The following ANPEP variants were observed in gnomAD, a reference collection of about 807,000 sequenced individuals.
ANPEP encodes alanyl aminopeptidase, membrane.
A neutral mutation model predicts 114.6 loss-of-function variants in ANPEP; 70 were observed. The observed-to-expected ratio is 0.61, with a 90% confidence interval of 0.50 to 0.75. The LOEUF is 0.75. ANPEP is among the 30% of genes least tolerant of loss of function. ANPEP has a pLI of 0.00. For synonymous variants in ANPEP, 548 were observed against 522.3 expected (o/e 1.05, Z -0.67); for missense variants, 1,184 against 1,259.5 (o/e 0.94, Z 0.91).
intron 18 of ANPEP, 83 bp downstream of exon 18, chr15:89,792,077 G>A: frequency 2.0e-6 from 3 of 1,492,024 alleles, no homozygotes; most frequent in Non-Finnish European, 2.7e-6. Flanking sequence ...TCACGTGAAG[G>A]ATCTGGCGAG....
In ANPEP at chr15:89,806,772, CA is replaced by C. The variant is rs1894725037; in HGVS notation, c.-190del. On this transcript the variant is annotated 5_prime_UTR_variant, in exon 2 of 21. Coordinates refer to ENST00000300060, the MANE Select transcript of ANPEP (RefSeq NM_001150.3). The surrounding 1 kb of genome is among the most constrained non-coding windows in gnomAD (Gnocchi z 5.7). ...ACGCTCCGCCTGGGGAGAGGAGATCCAGGAACGGTGTGTGGAGCTGGGCTCG... is the reference window on the plus strand; with the variant it reads ...ACGCTCCGCCTGGGGAGAGGAGATCCGGAACGGTGTGTGGAGCTGGGCTCG... 1.1e-6 allele frequency: 1 copy of C among 924,942 alleles called. No individual in the cohort carries two copies. The highest frequency in any genetic ancestry group is 1.6e-6 in the Non-Finnish European group (1 of 642,774). 57.3% of individuals were successfully genotyped at this position (924,942 alleles called of 1,614,324 possible).
Position 89,801,417 on chromosome 15 carries a change from G to T in ANPEP, c.1742+18C>A, listed in dbSNP as rs1225646354. 1 of 1,613,410 alleles carries T rather than the reference G, an allele frequency of 6.2e-7. No homozygotes were observed. Among genetic ancestry groups the T allele is most frequent in the Non-Finnish European group, 8.5e-7 (1 of 1,179,660 alleles). On this transcript the variant is annotated intron_variant, in intron 11 of 20. Coordinates refer to ENST00000300060, the MANE Select transcript of ANPEP (RefSeq NM_001150.3). ...ACCCCACCCACCTGACCATGCCTCA[G>T]TGACCCCATCTGCTCACTTGAATTC...
At chr15:89,802,005 G>A (rs1249668816) in intron 10 of ANPEP, among the ~76,000 whole-genome samples, 6 of 152,080 alleles carry the variant, frequency 3.9e-5, no homozygotes, top group East Asian at 1.9e-4. Context: ...CCTGGGGGTC[G>A]CATGAGGGAA....
chr15:89,792,598 C>A (rs760499515), intron 16 of ANPEP, 36 bp from the exon 17 acceptor site: 2 of 1,570,640 alleles, frequency 1.3e-6, no homozygotes, highest in South Asian at 1.1e-5. Flanking sequence ...GCACACCTGG[C>A]GAACTCCAGC....
At chr15:89,802,878 C>A in intron 10 of ANPEP, 1 of 283,484 alleles carries the variant, frequency 3.5e-6, no homozygotes, top group Non-Finnish European at 6.9e-6. Context: ...GCGGGGGGCA[C>A]AGGGCAGCCA....
intron 15 of ANPEP, among the ~76,000 whole-genome samples, chr15:89,796,422 G>C (rs1968727385): frequency 6.6e-6 from 1 of 152,156 alleles, no homozygotes; most frequent in Non-Finnish European, 1.5e-5. Flanking sequence ...GCAGTAAGAG[G>C]GTTGAAACTT....
chr15:89,788,376 G>T (rs893300695), intron 20 of ANPEP, among the ~76,000 whole-genome samples: 5 of 152,180 alleles, frequency 3.3e-5, no homozygotes, highest in African/African-American at 4.8e-5. Flanking sequence ...ACACAAAAAG[G>T]CTGTGTGTAT....
Position 89,803,651 on chromosome 15 carries a change from C to G in ANPEP, c.1433G>C (p.Ser478Thr), listed in dbSNP as rs755248559. Residue 478 changes from serine to threonine, a missense_variant, in exon 8 of 21, where the codon AGC becomes ACC. Coordinates refer to ENST00000300060, the MANE Select transcript of ANPEP (RefSeq NM_001150.3). This position sits in a 1 kb window ranked among gnomAD's most constrained non-coding sequence, Gnocchi z 4.2. ...CCCACGAGGAGCGGGCTGCACCTTG[C>G]TGTAGGAGATGGCGTCAAACAGCTC... is the stretch of plus-strand genomic sequence containing the variant. ...ISELFDAISYSKGASVLRMLS... is the reference protein window; with the variant it reads ...ISELFDAISYTKGASVLRMLS... The G allele has an allele frequency of 3.1e-6, 5 of 1,611,118 alleles. No homozygotes were observed. In the South Asian group the frequency reaches 5.5e-5, roughly 18 times the overall value.
In ANPEP at chr15:89,805,096, C is replaced by T. The variant is rs1381588909; in HGVS notation, c.879G>A (p.Gln293=). The T allele has an allele frequency of 1.2e-6, 2 of 1,614,240 alleles. No individual in the cohort carries two copies. Among genetic ancestry groups the T allele is most frequent in the Middle Eastern group, 1.6e-4 (1 of 6,062 alleles). ...CTCATACCAAGACACCATTGGATGC[C>T]TGCTTCTCCACGTAGTCGAACTCAC... ...IVSEFDYVEK[Q]ASNGVLIRIW... is the part of the protein sequence containing the mutation. The change falls in exon 4 of 21, where the codon CAG becomes CAA. Residue 293 remains glutamine, a synonymous_variant. Coordinates refer to ENST00000300060, the MANE Select transcript of ANPEP (RefSeq NM_001150.3).
intron 12 of ANPEP, among the ~76,000 whole-genome samples, chr15:89,800,400 C>A (rs1397815997): frequency 6.6e-6 from 1 of 152,140 alleles, no homozygotes; most frequent in Non-Finnish European, 1.5e-5. Context: ...CAGCACAGCA[C>A]TAGAATGCCT....
chr15:89,799,230 TGCA>T lies in ANPEP; in HGVS notation c.2009+27_2009+29del. 6.2e-7 allele frequency: 1 copy of T among 1,613,532 alleles called. No homozygotes were observed. Among genetic ancestry groups the T allele is most frequent in the Non-Finnish European group, 8.5e-7 (1 of 1,179,468 alleles). On this transcript the variant is annotated intron_variant, in intron 14 of 20. Coordinates refer to ENST00000300060, the MANE Select transcript of ANPEP (RefSeq NM_001150.3). The surrounding 1 kb of genome is among the most constrained non-coding windows in gnomAD (Gnocchi z 4.2). ...CAGACTTGCTGAAGTCACGAGCTTC[TGCA>T]GCTGAGCCAGGCAGCGGAGCACTCA...
At chr15:89,791,500 C>T (rs1174664950) in intron 18 of ANPEP, among the ~76,000 whole-genome samples, 3 of 151,922 alleles carry the variant, frequency 2.0e-5, no homozygotes, top group Non-Finnish European at 2.9e-5. Flanking sequence ...TGCAGTGGAG[C>T]GATTTGGGCT....
rs751683835 is a variant in ANPEP, at chr15:89,801,422, C to T, written c.1742+13G>A. On this transcript the variant is annotated intron_variant, in intron 11 of 20. Coordinates refer to ENST00000300060, the MANE Select transcript of ANPEP (RefSeq NM_001150.3). Reference sequence around the variant, plus strand: ...ACCCACCTGACCATGCCTCAGTGACCCCATCTGCTCACTTGAATTCTGAGG... The same window carrying T: ...ACCCACCTGACCATGCCTCAGTGACTCCATCTGCTCACTTGAATTCTGAGG... The T allele has an allele frequency of 1.2e-6, 2 of 1,613,600 alleles. No individual in the cohort carries two copies. Among genetic ancestry groups the T allele is most frequent in the South Asian group, 2.2e-5 (2 of 91,008 alleles).
intron 15 of ANPEP, among the ~76,000 whole-genome samples, chr15:89,796,948 T>C (rs1459388089): frequency 6.6e-6 from 1 of 152,256 alleles, no homozygotes; most frequent in Non-Finnish European, 1.5e-5. Flanking sequence ...TTGTCTTTTA[T>C]AAACTGCTGC....
At chr15:89,789,019 G>A (rs937393308) in intron 20 of ANPEP, among the ~76,000 whole-genome samples, 9 of 150,696 alleles carry the variant, frequency 6.0e-5, no homozygotes, top group South Asian at 4.2e-4. Flanking sequence ...TCACTCTGTC[G>A]CCCAAGCTGG....
At chr15:89,786,158 G>A (rs1011821959) in intron 20 of ANPEP, among the ~76,000 whole-genome samples, 4 of 152,044 alleles carry the variant, frequency 2.6e-5, no homozygotes, top group East Asian at 1.9e-4. Flanking sequence ...TTCCATTTAC[G>A]ATAGCATCAA....
intron 1 of ANPEP, among the ~76,000 whole-genome samples, chr15:89,809,577 C>A (rs752400752): frequency 5.9e-5 from 9 of 152,224 alleles, no homozygotes; most frequent in Non-Finnish European, 1.3e-4. Context: ...GCAGCCCCCA[C>A]CTTCAGGAAC....
intron 15 of ANPEP, among the ~76,000 whole-genome samples, chr15:89,793,819 T>A (rs73478004): frequency 1.3e-5 from 2 of 152,088 alleles, no homozygotes; most frequent in Non-Finnish European, 2.9e-5. Context: ...AGTTTCCACA[T>A]TGATGCATTT....
chr15:89,803,272 G>A lies in ANPEP; in HGVS notation c.1536C>T (p.Thr512=). 1 of 1,614,112 alleles carries A rather than the reference G, an allele frequency of 6.2e-7. No individual in the cohort carries two copies. The highest frequency in any genetic ancestry group is 8.5e-7 in the Non-Finnish European group (1 of 1,179,978). Residue 512 remains threonine, a synonymous_variant, in exon 10 of 21, where the codon ACC becomes ACT. Transcript: ENST00000300060. The surrounding 1 kb of genome is among the most constrained non-coding windows in gnomAD (Gnocchi z 4.2). ...GGTGGTCCCACAGGTTCAGGTAGAT[G>A]GTGTTCTGGTAGGCAAAGGTGTGGA... ...SYLHTFAYQN[T]IYLNLWDHLQ...
Sources: gnomAD v4.1 joint callset for allele counts (sites outside exome capture counted in the v4.1 genomes callset) on GRCh38, gnomAD v4.1.1 for gene constraint, Gnocchi (gnomAD v3.1) non-coding constraint, MANE v1.5 for transcripts, NCBI Gene and HGNC (gene_info 2026-07-23, HGNC 2026-07-21) for gene names.